The following EFCAB5 variants were observed in gnomAD, a reference collection of about 807,000 sequenced individuals.
EFCAB5 encodes EF-hand calcium-binding domain-containing protein 5.
In EFCAB5, 131 loss-of-function variants were observed where a neutral mutation model predicts 167.9. The ratio of observed to expected loss-of-function variants is 0.78; its 90% CI spans 0.68 to 0.90. The LOEUF is 0.90. Ranked by LOEUF, EFCAB5 falls within the 40% of genes least tolerant of loss-of-function variation. The pLI, the probability that EFCAB5 is intolerant of heterozygous loss-of-function variation, is 0.00. For missense variants in EFCAB5, 1,663 were observed against 1,745.2 expected (o/e 0.95, Z 0.84); for synonymous variants, 574 against 602.8 (o/e 0.95, Z 0.70).
chr17:29,944,816 T>A (rs1333705976), intron 3 of EFCAB5, among the ~76,000 whole-genome samples: 1 of 151,992 alleles, frequency 6.6e-6, no homozygotes, highest in Non-Finnish European at 1.5e-5. Flanking sequence ...AGAGATGGGG[T>A]TTCCCAATGT....
chr17:30,097,776 T>C (rs2071324943), intron 22 of EFCAB5, among the ~76,000 whole-genome samples: 1 of 152,246 alleles, frequency 6.6e-6, no homozygotes. Context: ...TAATTGTCTT[T>C]TATTTTTAAA....
At chr17:29,945,568 G>GA (rs990418509) in intron 3 of EFCAB5, among the ~76,000 whole-genome samples, 4 of 148,748 alleles carry the variant, frequency 2.7e-5, no homozygotes, top group Admixed American at 6.7e-5. Context: ...TTTTTTAAGA[G>GA]AAAAAAAAAG....
chr17:30,088,291 A>AT lies in EFCAB5; in HGVS notation c.3683+1136dup, dbSNP rs563720265. Among the ~76,000 whole-genome samples the AT allele has an allele frequency of 3.1e-3, 459 of 148,606 alleles. 2 individuals are homozygous for AT. The highest frequency in any genetic ancestry group is 8.0e-3 in the African/African-American group (326 of 40,670). ...GTATTTGCTAAGCCCAGCTCATTTA[A>AT]TTTTTTTTTTTAAGAGACAGGGTCT... On this transcript the variant is annotated intron_variant, in intron 19 of 22. Transcript: ENST00000394835.
At chr17:30,046,205 AACACTTAAGATTTGCATACCTCATTGCAT>A (rs1249035181) in intron 8 of EFCAB5, among the ~76,000 whole-genome samples, 1 of 152,212 alleles carries the variant, frequency 6.6e-6, no homozygotes, top group Non-Finnish European at 1.5e-5. Flanking sequence ...CAGTGAGCTA[AACACTTAAGATTTGCATACCTCATTGCAT>A]ATTTGTTGCT....
chr17:30,040,485 C>T (rs2069741016), intron 8 of EFCAB5, among the ~76,000 whole-genome samples: 1 of 152,170 alleles, frequency 6.6e-6, no homozygotes, highest in Non-Finnish European at 1.5e-5. Flanking sequence ...GATGGCTACC[C>T]TTTTTACCCT....
At chr17:29,994,161 TATATATA>T (rs910441824) in intron 5 of EFCAB5, among the ~76,000 whole-genome samples, 2 of 136,332 alleles carry the variant, frequency 1.5e-5, no homozygotes, top group African/African-American at 5.3e-5. Context: ...TATATATATA[TATATATA>T]TATATATATG....
At chr17:29,979,606 A>G (rs2068131682) in intron 4 of EFCAB5, among the ~76,000 whole-genome samples, 1 of 152,166 alleles carries the variant, frequency 6.6e-6, no homozygotes, top group African/African-American at 2.4e-5. Context: ...TTAGCTGGCT[A>G]AGTTCTCCTT....
At chr17:29,955,502 C>G (rs904609072) in intron 3 of EFCAB5, among the ~76,000 whole-genome samples, 1 of 152,112 alleles carries the variant, frequency 6.6e-6, no homozygotes, top group Non-Finnish European at 1.5e-5. Context: ...GATTGTGAGG[C>G]CTCCCCAGCC....
At chr17:30,070,758 T>C (rs111634497) in intron 14 of EFCAB5, among the ~76,000 whole-genome samples, 13,248 of 152,034 alleles carry the variant, frequency 0.087, 1,258 homozygotes, top group African/African-American at 0.24. Flanking sequence ...CAGACCAGCC[T>C]GGCCAACATG....
At chr17:30,101,942 G>C (rs2071388070) in intron 22 of EFCAB5, among the ~76,000 whole-genome samples, 1 of 152,210 alleles carries the variant, frequency 6.6e-6, no homozygotes, top group African/African-American at 2.4e-5. Flanking sequence ...AACAGCCCAA[G>C]TTTTTGCTTG....
intron 6 of EFCAB5, among the ~76,000 whole-genome samples, chr17:29,998,347 A>C (rs2068590150): frequency 6.6e-6 from 1 of 152,204 alleles, no homozygotes; most frequent in Non-Finnish European, 1.5e-5. Flanking sequence ...AGAGCATTCC[A>C]ACTGACAGTG....
At chr17:29,993,112 G>A (rs2068458672) in intron 4 of EFCAB5, 53 bp from the exon 5 acceptor site, 1 of 1,477,744 alleles carries the variant, frequency 6.8e-7, no homozygotes, top group Admixed American at 2.4e-5. Flanking sequence ...TTCCAATCTG[G>A]ACCAAATCCA....
At chr17:30,024,267 G>T (rs1184106694) in intron 7 of EFCAB5, among the ~76,000 whole-genome samples, 1 of 152,066 alleles carries the variant, frequency 6.6e-6, no homozygotes, top group African/African-American at 2.4e-5. Context: ...TGACATGATT[G>T]TATATCTAGA....
Position 30,108,181 on chromosome 17 carries a change from A to T in EFCAB5, c.*157A>T. The T allele has an allele frequency of 1.2e-6, 1 of 806,108 alleles. No homozygotes were observed. Among genetic ancestry groups the T allele is most frequent in the Admixed American group, 3.9e-5 (1 of 25,768 alleles). The allele number at this position is 806,108 out of a possible 1,614,324, so 49.9% of individuals were successfully genotyped here. A position where few individuals can be genotyped will look rare whatever the true frequency, so the allele number is the denominator to read the frequency against. On this transcript the variant is annotated 3_prime_UTR_variant, in exon 23 of 23. Transcript: ENST00000394835. ...AGCACTTTCTAAACCCAAAAGTGCT[A>T]CCTAAGAAGAAATTTAGCCAAAAAA... is the stretch of plus-strand genomic sequence containing the variant.
chr17:29,950,173 C>G lies in EFCAB5; in HGVS notation c.190+6524C>G, dbSNP rs996136254. Among the ~76,000 whole-genome samples the G allele has an allele frequency of 3.3e-5, 5 of 152,252 alleles. No homozygotes were observed. In the South Asian group the frequency reaches 1.0e-3, roughly 32 times the overall value. On this transcript the variant is annotated intron_variant, in intron 3 of 22. Transcript: ENST00000394835. ...CCTCTTCCTCCTCTCCTCAGTCTAT[C>G]GAACATGAGGACAATGAGAATGAAA...
At chr17:29,976,117 T>A (rs138259246) in intron 4 of EFCAB5, among the ~76,000 whole-genome samples, 2 of 152,338 alleles carry the variant, frequency 1.3e-5, no homozygotes, top group Non-Finnish European at 2.9e-5. Flanking sequence ...GAACTGATTT[T>A]GTCTGTAAAC....
chr17:30,012,815 C>T (rs544597799), intron 7 of EFCAB5, among the ~76,000 whole-genome samples: 1 of 152,284 alleles, frequency 6.6e-6, no homozygotes, highest in East Asian at 1.9e-4. Context: ...TGCCTGATTG[C>T]CCTGGCCAGA....
rs545452027 is a variant in EFCAB5, at chr17:30,036,728, C to T, written c.1200+2343C>T. ...AGGCGTGAGCCACCACATCCAGCCT[C>T]GAATGTATCTTTTTAACCAGCAGCT... On this transcript the variant is annotated intron_variant, in intron 8 of 22. Coordinates refer to ENST00000394835, the MANE Select transcript of EFCAB5 (RefSeq NM_198529.4). Among the ~76,000 whole-genome samples the T allele has an allele frequency of 3.9e-5, 6 of 152,206 alleles. 1 individual carries two copies. The South Asian group carries it at 6.2e-4, about 16-fold the overall frequency.
At chr17:29,995,025 G>C (rs912807616) in intron 5 of EFCAB5, among the ~76,000 whole-genome samples, 1 of 152,190 alleles carries the variant, frequency 6.6e-6, no homozygotes, top group African/African-American at 2.4e-5. Context: ...GTGGATGCCT[G>C]ATGATTTCTC....
Sources: allele counts gnomAD v4.1 joint callset (sites outside exome capture counted in the v4.1 genomes callset), GRCh38; gene constraint gnomAD v4.1.1; transcripts MANE v1.5; gene names NCBI Gene and HGNC (gene_info 2026-07-23, HGNC 2026-07-21).